BCAS3: variants seen among roughly 807,000 people sequenced by gnomAD.
BCAS3 encodes BCAS4/BCAS3 fusion.
In BCAS3, 53 loss-of-function variants were observed where a neutral mutation model predicts 116.1. The observed-to-expected ratio is 0.46, with a 90% confidence interval of 0.37 to 0.57. The LOEUF (loss-of-function observed/expected upper bound fraction) is 0.57, where lower values mean the gene tolerates loss of function less well. Ranked by LOEUF, BCAS3 falls within the 20% of genes least tolerant of loss-of-function variation. The pLI, the probability that BCAS3 is intolerant of heterozygous loss-of-function variation, is 0.00. For synonymous variants in BCAS3, 391 were observed against 408.2 expected, an observed-to-expected ratio of 0.96 and a Z score of 0.51; for missense variants, 917 against 1,165.4, an observed-to-expected ratio of 0.79 and a Z score of 3.10.
At chr17:60,827,820 G>GT (rs1267285433) in intron 7 of BCAS3, among the ~76,000 whole-genome samples, 1 of 151,978 alleles carries the variant, frequency 6.6e-6, no homozygotes, top group Non-Finnish European at 1.5e-5. Flanking sequence ...TTGTAATGAG[G>GT]TTTTTTTGGG....
intron 22 of BCAS3, among the ~76,000 whole-genome samples, chr17:61,170,968 T>G (rs1954147094): frequency 6.6e-6 from 1 of 152,234 alleles, no homozygotes; most frequent in South Asian, 2.1e-4. Context: ...CTGGAGCTTA[T>G]GCAGGGCTGG....
intron 22 of BCAS3, among the ~76,000 whole-genome samples, chr17:61,342,603 G>A (rs1037189048): frequency 2.0e-5 from 3 of 152,214 alleles, no homozygotes; most frequent in African/African-American, 7.2e-5. Context: ...GCCCAGGCTA[G>A]CAGCCTCAGT....
intron 7 of BCAS3, chr17:60,810,934 G>T: frequency 1.4e-6 from 1 of 690,792 alleles, no homozygotes; most frequent in Non-Finnish European, 2.7e-6. Flanking sequence ...GGCCCAATAT[G>T]ACGAACTGGC....
At chr17:60,794,059 A>T (rs1379938003) in intron 6 of BCAS3, among the ~76,000 whole-genome samples, 1 of 152,108 alleles carries the variant, frequency 6.6e-6, no homozygotes, top group South Asian at 2.1e-4. Context: ...CCGCATCCAC[A>T]CCAACATCTA....
At chr17:61,069,993 C>T (rs777723375) in intron 19 of BCAS3, 4 of 1,589,396 alleles carry the variant, frequency 2.5e-6, no homozygotes, top group Non-Finnish European at 3.4e-6. Context: ...AGAAGATCCG[C>T]ACGTCACCCA....
At position 61,364,562 on chromosome 17, in the gene BCAS3, G is replaced by C. The variant is rs1056484764; in HGVS notation, c.2426-3765G>C. The stretch of plus-strand genomic sequence containing the variant: ...GAAACCCCATCTTGACAAAAAATTA[G>C]CTGGGCATGGTGGTGCACACCTGTA... On this transcript the variant is annotated intron_variant, in intron 22 of 23. Transcript: ENST00000407086. The surrounding 1 kb of genome is among the most constrained non-coding windows in gnomAD (Gnocchi z 5.4). Among the ~76,000 whole-genome samples, 1 of 152,146 alleles carries C rather than the reference G, an allele frequency of 6.6e-6. No homozygotes were observed. Among genetic ancestry groups the C allele is most frequent in the South Asian group, 2.1e-4 (1 of 4,826 alleles).
chr17:61,336,799 A>G (rs1440641766), intron 22 of BCAS3, among the ~76,000 whole-genome samples: 75 of 152,210 alleles, frequency 4.9e-4, no homozygotes, highest in Non-Finnish European at 1.0e-4. Flanking sequence ...AAGGTTACAC[A>G]GAAAAGGCAG....
chr17:60,780,831 G>A (rs2045761962), intron 6 of BCAS3, among the ~76,000 whole-genome samples: 2 of 152,086 alleles, frequency 1.3e-5, no homozygotes, highest in Non-Finnish European at 2.9e-5. Context: ...GGCTAACATA[G>A]CCTTACATTT....
chr17:60,691,321 CTCAGTGA>C (rs2034793139), intron 4 of BCAS3, among the ~76,000 whole-genome samples: 1 of 152,126 alleles, frequency 6.6e-6, no homozygotes, highest in Admixed American at 6.5e-5. Flanking sequence ...CATGGTTTTC[CTCAGTGA>C]ACGTACCATT....
chr17:60,709,934 A>G (rs1389000294), intron 5 of BCAS3, among the ~76,000 whole-genome samples: 1 of 152,204 alleles, frequency 6.6e-6, no homozygotes, highest in Admixed American at 6.5e-5. Context: ...TTTCACTTAT[A>G]TTTCATTATT....
At chr17:61,371,529 T>G (rs1356404152) in intron 23 of BCAS3, among the ~76,000 whole-genome samples, 1 of 152,196 alleles carries the variant, frequency 6.6e-6, no homozygotes, top group Non-Finnish European at 1.5e-5. Context: ...GTGACTCTAG[T>G]TAATAACAAT....
intron 7 of BCAS3, among the ~76,000 whole-genome samples, chr17:60,823,845 T>C (rs1224111032): frequency 1.3e-5 from 2 of 152,174 alleles, no homozygotes; most frequent in Non-Finnish European, 2.9e-5. Flanking sequence ...GATTTTTCTT[T>C]TATGACTATG....
At chr17:60,953,809 C>G (rs1034386499) in intron 14 of BCAS3, among the ~76,000 whole-genome samples, 2 of 151,204 alleles carry the variant, frequency 1.3e-5, no homozygotes, top group Non-Finnish European at 2.9e-5. Context: ...TCTCTGCTCA[C>G]TGCAACCTCT....
At chr17:60,870,182 C>G (rs1015999721) in intron 8 of BCAS3, among the ~76,000 whole-genome samples, 1 of 152,168 alleles carries the variant, frequency 6.6e-6, no homozygotes, top group Admixed American at 6.6e-5. Flanking sequence ...ATAAAATCAC[C>G]TGTAGCCCAT....
chr17:61,170,314 A>T lies in BCAS3; in HGVS notation c.2425+85750A>T, dbSNP rs1025993828. Reference sequence around the variant, plus strand: ...TTTTTGTTTTTTGGTTTTTTTTGAGACGGAGTCTCGCTCTGTCGCCCAGGC... The same window carrying T: ...TTTTTGTTTTTTGGTTTTTTTTGAGTCGGAGTCTCGCTCTGTCGCCCAGGC... On this transcript the variant is annotated intron_variant, in intron 22 of 23. Transcript: ENST00000407086. Among the ~76,000 whole-genome samples the T allele has an allele frequency of 2.0e-5, 3 of 151,092 alleles. No individual in the cohort carries two copies. The Admixed American group carries it at 2.0e-4, about 10-fold the overall frequency.
rs1248414316 is a variant in BCAS3, at chr17:61,313,973, C to T, written c.2426-54354C>T. Among the ~76,000 whole-genome samples the T allele has an allele frequency of 6.6e-6, 1 of 152,236 alleles. No individual in the cohort carries two copies. Among genetic ancestry groups the T allele is most frequent in the Non-Finnish European group, 1.5e-5 (1 of 68,046 alleles). On this transcript the variant is annotated intron_variant, in intron 22 of 23. Transcript: ENST00000407086. The surrounding 1 kb of genome is among the most constrained non-coding windows in gnomAD (Gnocchi z 4.3). ...GCCGGCTGGCAGCACACAGGCCATTCCTCTTTTCCATTCAAAGAAAATCTT... is the reference window on the plus strand; with the variant it reads ...GCCGGCTGGCAGCACACAGGCCATTTCTCTTTTCCATTCAAAGAAAATCTT...
chr17:60,970,565 A>G (rs2061903457), intron 14 of BCAS3, among the ~76,000 whole-genome samples: 2 of 152,190 alleles, frequency 1.3e-5, no homozygotes, highest in Non-Finnish European at 2.9e-5. Flanking sequence ...ACTAAAATAG[A>G]ATTTAAGACA....
chr17:60,763,274 A>G (rs374621951), intron 6 of BCAS3, among the ~76,000 whole-genome samples: 1 of 152,114 alleles, frequency 6.6e-6, no homozygotes, highest in Non-Finnish European at 1.5e-5. Context: ...GTCTTGTGCC[A>G]GTTTTCAAAG....
intron 22 of BCAS3, among the ~76,000 whole-genome samples, chr17:61,153,379 T>A (rs12150169): frequency 0.1 from 15,804 of 152,254 alleles, 1,023 homozygotes; most frequent in Non-Finnish European, 0.15. Context: ...GCCTTTCTTC[T>A]TGGTTCACGT....
Sources: gnomAD v4.1 joint callset for allele counts (sites outside exome capture counted in the v4.1 genomes callset) on GRCh38, gnomAD v4.1.1 for gene constraint, Gnocchi (gnomAD v3.1) non-coding constraint, MANE v1.5 for transcripts, NCBI Gene and HGNC (gene_info 2026-07-23, HGNC 2026-07-21) for gene names.